The following DAAM2 variants were observed in gnomAD, a reference collection of about 807,000 sequenced individuals.
DAAM2 encodes the protein dishevelled associated activator of morphogenesis 2, also known as disheveled-associated activator of morphogenesis 2.
In DAAM2, 39 loss-of-function variants were observed where a neutral mutation model predicts 120.7. The ratio of observed to expected loss-of-function variants is 0.32; its 90% CI spans 0.25 to 0.42. DAAM2 has a LOEUF of 0.42. Ranked by LOEUF, DAAM2 falls within the 10% of genes least tolerant of loss-of-function variation. The probability of loss-of-function intolerance (pLI) is 1.00; values close to 1 mark genes in which losing one functional copy is unlikely to be tolerated. For missense variants in DAAM2, 1,283 were observed against 1,401.7 expected (o/e 0.92, Z 1.35); for synonymous variants, 488 against 524.9 (o/e 0.93, Z 0.96).
chr6:39,847,809 C>CATTAG (rs1422049053), intron 1 of DAAM2, among the ~76,000 whole-genome samples: 2 of 152,144 alleles, frequency 1.3e-5, no homozygotes, highest in Non-Finnish European at 2.9e-5. Context: ...TACAGTGCCA[C>CATTAG]CAGAAATGTC....
At chr6:39,880,955 G>A (rs576471636) in intron 14 of DAAM2, among the ~76,000 whole-genome samples, 1 of 152,278 alleles carries the variant, frequency 6.6e-6, no homozygotes, top group South Asian at 2.1e-4. Flanking sequence ...CGTGCAGAAA[G>A]GTTCATTGTT....
chr6:39,817,793 C>T (rs1762351602), intron 1 of DAAM2, among the ~76,000 whole-genome samples: 1 of 152,084 alleles, frequency 6.6e-6, no homozygotes, highest in Admixed American at 6.5e-5. Context: ...CTGAAGGCCT[C>T]CAACTGATCA....
intron 1 of DAAM2, among the ~76,000 whole-genome samples, chr6:39,849,197 T>C (rs1312209607): frequency 4.6e-5 from 7 of 152,184 alleles, no homozygotes; most frequent in Admixed American, 3.9e-4. Flanking sequence ...GGCCATACGG[T>C]CTCTGTTGCA....
Position 39,868,853 on chromosome 6 carries a change from G to T in DAAM2, c.793G>T (p.Gly265Cys), listed in dbSNP as rs1240695296. 1.3e-6 allele frequency: 2 copies of T among 1,586,046 alleles called. No homozygotes were observed. Among genetic ancestry groups the T allele is most frequent in the Middle Eastern group, 3.3e-4 (2 of 6,036 alleles). ...GCTGAACGAGCTAGACCGAAGTCTG[G>T]GCCGGTACCGGGATGAAGTGAATCT... ...TLLNELDRSL[G>C]RYRDEVNLKT... Residue 265 changes from glycine to cysteine, a missense_variant, in exon 7 of 25, where the codon GGC becomes TGC. Gly to Cys is a radical substitution (Grantham distance 159, BLOSUM62 -3). Coordinates refer to ENST00000274867, the MANE Select transcript of DAAM2 (RefSeq NM_001201427.2).
chr6:39,857,129 A>T (rs1331543849), intron 2 of DAAM2, among the ~76,000 whole-genome samples: 1 of 152,214 alleles, frequency 6.6e-6, no homozygotes, highest in Non-Finnish European at 1.5e-5. Flanking sequence ...GTGCAGCTTT[A>T]TACCCTGGCC....
intron 1 of DAAM2, among the ~76,000 whole-genome samples, chr6:39,805,191 G>A (rs1761974552): frequency 6.6e-6 from 1 of 152,148 alleles, no homozygotes; most frequent in African/African-American, 2.4e-5. Context: ...AGAAGTTTTG[G>A]TATAGCACAG....
At chr6:39,805,579 G>A (rs1761986566) in intron 1 of DAAM2, among the ~76,000 whole-genome samples, 3 of 149,384 alleles carry the variant, frequency 2.0e-5, no homozygotes, top group Admixed American at 2.0e-4. Context: ...TTTTGAGACA[G>A]AGTCTCGCTC....
chr6:39,820,134 CTGAG>C (rs1352009237), intron 1 of DAAM2: 3 of 128,314 alleles, frequency 2.3e-5, no homozygotes. Context: ...GCATCCTAGC[CTGAG>C]TGAGTGGCAG....
At chr6:39,886,857 G>A (rs973117575) in intron 15 of DAAM2, 2 of 175,592 alleles carry the variant, frequency 1.1e-5, no homozygotes, top group East Asian at 1.5e-4. Flanking sequence ...TGTCTACCTC[G>A]CCAGGGGCCC....
chr6:39,851,343 T>C (rs1478829788), intron 1 of DAAM2, among the ~76,000 whole-genome samples: 1 of 152,240 alleles, frequency 6.6e-6, no homozygotes, highest in Non-Finnish European at 1.5e-5. Context: ...TTAACCACTC[T>C]GAACCACAGT....
intron 1 of DAAM2, among the ~76,000 whole-genome samples, chr6:39,846,240 A>G (rs1203938120): frequency 1.3e-5 from 2 of 152,172 alleles, no homozygotes; most frequent in East Asian, 1.9e-4. Flanking sequence ...CCGGGCATAC[A>G]GTAGGTGCTA....
Position 39,900,137 on chromosome 6 carries a change from A to G in DAAM2, c.2740A>G (p.Ser914Gly), listed in dbSNP as rs775710302. 6.2e-6 allele frequency: 10 copies of G among 1,603,230 alleles called. No individual in the cohort carries two copies. The highest frequency in any genetic ancestry group is 8.5e-6 in the Non-Finnish European group (10 of 1,175,080). Residue 914 changes from serine to glycine, a missense_variant, in exon 23 of 25, where the codon AGC (serine) becomes GGC (glycine). Coordinates refer to ENST00000274867, the MANE Select transcript of DAAM2 (RefSeq NM_001201427.2). ...CAGTGACAAGTTTGTCCCTGTCATG[A>G]GCGACTTCATCACGGTGTCCAGCTT... ...EPSDKFVPVM[S>G]DFITVSSFSF...
intron 1 of DAAM2, among the ~76,000 whole-genome samples, chr6:39,802,456 AAAAAG>A: frequency 6.6e-6 from 1 of 152,334 alleles, no homozygotes; most frequent in Admixed American, 6.5e-5. Flanking sequence ...AAAAAAAAGA[AAAAAG>A]AAAGTCCTTG....
At chr6:39,858,271 C>T (rs1214007115) in intron 2 of DAAM2, among the ~76,000 whole-genome samples, 1 of 152,154 alleles carries the variant, frequency 6.6e-6, no homozygotes, top group African/African-American at 2.4e-5. Flanking sequence ...TCTAAAAGAC[C>T]ACGCAAGGTG....
At chr6:39,877,262 G>A (rs1019268198) in intron 11 of DAAM2, among the ~76,000 whole-genome samples, 3 of 152,132 alleles carry the variant, frequency 2.0e-5, no homozygotes, top group African/African-American at 7.2e-5. Context: ...TTGTGCCAAC[G>A]AACTCTAGGA....
chr6:39,853,199 A>C (rs1426472644), intron 1 of DAAM2, among the ~76,000 whole-genome samples: 1 of 152,138 alleles, frequency 6.6e-6, no homozygotes, highest in Non-Finnish European at 1.5e-5. Context: ...GATCTCTACC[A>C]TGAAGTGACC....
chr6:39,904,795 C>A lies in DAAM2; in HGVS notation c.*2758C>A. On this transcript the variant is annotated 3_prime_UTR_variant, in exon 25 of 25. Transcript: ENST00000274867. ...GCTAATGGACATAATCTACAGTGTC[C>A]TTTTTCACTTGCACCTTTTTTATAA... 4.4e-6 allele frequency: 2 copies of A among 454,090 alleles called. No homozygotes were observed. The highest frequency in any genetic ancestry group is 3.1e-5 in the South Asian group (2 of 64,468). The allele number at this position is 454,090 out of a possible 1,614,324, so 28.1% of individuals were successfully genotyped here.
chr6:39,841,987 T>A (rs1237200402), intron 1 of DAAM2, among the ~76,000 whole-genome samples: 1 of 152,134 alleles, frequency 6.6e-6, no homozygotes, highest in Non-Finnish European at 1.5e-5. Context: ...AATGAAAACA[T>A]CCTGCATTTA....
At chr6:39,854,370 A>C (rs989321688) in intron 1 of DAAM2, among the ~76,000 whole-genome samples, 1 of 152,248 alleles carries the variant, frequency 6.6e-6, no homozygotes, top group Admixed American at 6.5e-5. Flanking sequence ...TCAAAGAAGC[A>C]GGAGACACAG....
Sources: allele counts gnomAD v4.1 joint callset (sites outside exome capture counted in the v4.1 genomes callset), GRCh38; gene constraint gnomAD v4.1.1; transcripts MANE v1.5; gene names NCBI Gene and HGNC (gene_info 2026-07-23, HGNC 2026-07-21).